The following FBXO10 variants were observed in gnomAD, a reference collection of about 807,000 sequenced individuals.
FBXO10 encodes F-box only protein 10.
A neutral mutation model predicts 80.7 loss-of-function variants in FBXO10; 39 were observed. The observed-to-expected ratio is 0.48, with a 90% CI of 0.37 to 0.63. The LOEUF (loss-of-function observed/expected upper bound fraction) is 0.63. Ranked by LOEUF, FBXO10 falls within the 30% of genes least tolerant of loss-of-function variation. FBXO10 has a pLI of 0.00. For synonymous variants in FBXO10, 449 were observed against 489.6 expected, an observed-to-expected ratio of 0.92 and a Z score of 1.09; for missense variants, 1,025 against 1,269.0, an observed-to-expected ratio of 0.81 and a Z score of 2.92.
At chr9:37,557,142 C>G (rs904637842) in intron 1 of FBXO10, among the ~76,000 whole-genome samples, 2 of 152,136 alleles carry the variant, frequency 1.3e-5, no homozygotes, top group African/African-American at 4.8e-5. Context: ...CTGATTTTTC[C>G]CAGGCTATGG....
intron 7 of FBXO10, chr9:37,522,245 A>T: frequency 1.5e-6 from 1 of 657,474 alleles, no homozygotes; most frequent in Non-Finnish European, 1.9e-6. Flanking sequence ...TCTGTCCCTC[A>T]GTTTTCTCAT....
chr9:37,569,903 G>C (rs1385015933), intron 1 of FBXO10, among the ~76,000 whole-genome samples: 1 of 151,992 alleles, frequency 6.6e-6, no homozygotes, highest in Non-Finnish European at 1.5e-5. Context: ...CATAAATAAA[G>C]GATAATTAGA....
At chr9:37,544,972 C>T (rs746442762) in intron 1 of FBXO10, among the ~76,000 whole-genome samples, 60 of 115,508 alleles carry the variant, frequency 5.2e-4, no homozygotes, top group African/African-American at 2.0e-3. Context: ...CCAGCCTGGG[C>T]GACAGAGCGA....
chr9:37,570,887 A>G (rs1822734077), intron 1 of FBXO10, among the ~76,000 whole-genome samples: 1 of 151,656 alleles, frequency 6.6e-6, no homozygotes, highest in Admixed American at 6.6e-5. Context: ...CCAGCTACTC[A>G]GGAGGCTGAG....
rs113940083 is a variant in FBXO10, at chr9:37,511,257, C to G, written c.*1290G>C. On this transcript the variant is annotated 3_prime_UTR_variant, in exon 11 of 11. Coordinates refer to ENST00000432825, the MANE Select transcript of FBXO10 (RefSeq NM_012166.3). ...GAGGGGATTGTTCAGGTTGAGCTGG[C>G]CCTGCATCCAGCCCTCTTCCTCAGG... The G allele has an allele frequency of 5.2e-5, 8 of 153,014 alleles. No individual in the cohort carries two copies. The highest frequency in any genetic ancestry group is 1.9e-4 in the African/African-American group (8 of 41,572). The allele number at this position is 153,014 out of a possible 1,614,324, so 9.5% of individuals were successfully genotyped here.
At chr9:37,529,080 G>A (rs1821549188) in intron 5 of FBXO10, 44 bp downstream of exon 5, 1 of 1,611,772 alleles carries the variant, frequency 6.2e-7, no homozygotes, top group Admixed American at 1.7e-5. Context: ...GGAGAGACAG[G>A]GAGGAGGTTA....
In FBXO10 at chr9:37,561,908, A is replaced by AT. The variant is rs1822494217; in HGVS notation, c.-7+14302dup. On this transcript the variant is annotated intron_variant, in intron 1 of 10. Transcript: ENST00000432825. ...AGAGACCTGAATGACATTTAAAGCC[A>AT]TGGCATGGACTGAGATCACTGGTGA... 2.6e-5 allele frequency among the ~76,000 whole-genome samples: 4 copies of AT among 152,358 alleles called. No individual in the cohort carries two copies. The South Asian group carries it at 6.2e-4, about 24-fold the overall frequency.
Position 37,525,286 on chromosome 9 carries a change from T to C in FBXO10, c.1707-114A>G, listed in dbSNP as rs1427778093. The C allele has an allele frequency of 3.9e-6, 4 of 1,015,526 alleles. No individual in the cohort carries two copies. The African/African-American group carries it at 6.4e-5, about 16-fold the overall frequency. The allele number at this position is 1,015,526 out of a possible 1,614,324, so 62.9% of individuals were successfully genotyped here. A position where few individuals can be genotyped will look rare whatever the true frequency, so the allele number is the denominator to read the frequency against. Reference sequence around the variant, plus strand: ...GTCTCTACAAAAAATACAAAAAAATTAGCCGGGTGTGGTGGTGTGCACCTG... The same window carrying C: ...GTCTCTACAAAAAATACAAAAAAATCAGCCGGGTGTGGTGGTGTGCACCTG... On this transcript the variant is annotated intron_variant, in intron 5 of 10. Transcript: ENST00000432825.
At chr9:37,556,478 G>A (rs1039546337) in intron 1 of FBXO10, among the ~76,000 whole-genome samples, 6 of 145,206 alleles carry the variant, frequency 4.1e-5, no homozygotes, top group Admixed American at 6.9e-5. Context: ...CCATTGAACT[G>A]CTTTTGTACT....
intron 1 of FBXO10, among the ~76,000 whole-genome samples, chr9:37,554,595 T>G (rs558955170): frequency 2.6e-5 from 4 of 152,328 alleles, no homozygotes; most frequent in African/African-American, 9.6e-5. Context: ...ACCACTGTTT[T>G]CTTTTCTCTT....
At chr9:37,556,045 G>A (rs1470024556) in intron 1 of FBXO10, among the ~76,000 whole-genome samples, 1 of 152,058 alleles carries the variant, frequency 6.6e-6, no homozygotes, top group Non-Finnish European at 1.5e-5. Context: ...CTTTTTCTAT[G>A]TGGATATCAA....
In FBXO10 at chr9:37,521,846, A is replaced by C; in HGVS notation, c.1931-8T>G. 6.4e-7 allele frequency: 1 copy of C among 1,561,672 alleles called. No homozygotes were observed. The highest frequency in any genetic ancestry group is 1.2e-5 in the South Asian group (1 of 85,160). ...CACCACAGCCCTTGTTAGCTGGGAC[A>C]GTGAGAGGAGCTGGTCACCGACACT... On this transcript the variant is annotated splice_region_variant and splice_polypyrimidine_tract_variant and intron_variant, in intron 7 of 10. Transcript: ENST00000432825.
At position 37,532,060 on chromosome 9, in the gene FBXO10, T is replaced by C; in HGVS notation, c.1420-2A>G. ...AATGTCGTTCCTGAGCATGATGATC[T>C]AAGCAGAAAAGAGAAAGCCATTTAT... On this transcript the variant is annotated splice_acceptor_variant, in intron 3 of 10. Coordinates refer to ENST00000432825, the MANE Select transcript of FBXO10 (RefSeq NM_012166.3). LOFTEE classifies it high-confidence loss of function. The C allele has an allele frequency of 6.2e-7, 1 of 1,612,644 alleles. No homozygotes were observed. Among genetic ancestry groups the C allele is most frequent in the Non-Finnish European group, 8.5e-7 (1 of 1,179,098 alleles).
At chr9:37,536,912 C>T (rs1021746374) in intron 3 of FBXO10, among the ~76,000 whole-genome samples, 198 bp downstream of exon 3, 3 of 152,030 alleles carry the variant, frequency 2.0e-5, no homozygotes, top group South Asian at 2.1e-4. Flanking sequence ...GAGTAAGCCA[C>T]GTTCTCTCTC....
Position 37,557,792 on chromosome 9 carries a change from T to C in FBXO10, c.-6-16018A>G, listed in dbSNP as rs183023996. 3.3e-3 allele frequency among the ~76,000 whole-genome samples: 504 copies of C among 152,342 alleles called. 6 individuals are homozygous for C. Among genetic ancestry groups the C allele is most frequent in the African/African-American group, 0.011 (474 of 41,574 alleles). On this transcript the variant is annotated intron_variant, in intron 1 of 10. Transcript: ENST00000432825. ...AAGAGGGGCTCATCTATAATACTTT[T>C]CTAGCTGTCCTGGTTTCATTTTTTT...
At chr9:37,545,757 A>G (rs1028250141) in intron 1 of FBXO10, among the ~76,000 whole-genome samples, 1 of 152,204 alleles carries the variant, frequency 6.6e-6, no homozygotes. Context: ...CGGAAACTGG[A>G]TATTCCCTTC....
intron 1 of FBXO10, among the ~76,000 whole-genome samples, chr9:37,557,128 G>A (rs1333976714): frequency 6.6e-6 from 1 of 152,168 alleles, no homozygotes; most frequent in Non-Finnish European, 1.5e-5. Flanking sequence ...ATGAGAGTAG[G>A]ATTCTGATTT....
At chr9:37,513,139 C>T (rs1363423770) in intron 10 of FBXO10, among the ~76,000 whole-genome samples, 1 of 151,970 alleles carries the variant, frequency 6.6e-6, no homozygotes, top group African/African-American at 2.4e-5. Context: ...CCGACTTCTC[C>T]ACTTTAAATA....
chr9:37,572,122 AAAAAAAG>A (rs1382048491), intron 1 of FBXO10, among the ~76,000 whole-genome samples: 2 of 152,070 alleles, frequency 1.3e-5, no homozygotes, highest in Non-Finnish European at 2.9e-5. Flanking sequence ...CCTGTTTCCA[AAAAAAAG>A]AAAAAAGAAA....
Sources: gnomAD v4.1 joint callset for allele counts (sites outside exome capture counted in the v4.1 genomes callset) on GRCh38, gnomAD v4.1.1 for gene constraint, MANE v1.5 for transcripts, NCBI Gene and HGNC (gene_info 2026-07-23, HGNC 2026-07-21) for gene names.